PTH2R: variants seen among roughly 807,000 people sequenced by gnomAD.
PTH2R encodes parathyroid hormone 2 receptor.
PTH2R carries 59 observed loss-of-function variants against 60.3 expected under a neutral mutation model. That is an observed-to-expected ratio of 0.98 (90% CI 0.79 to 1.22). PTH2R has a LOEUF of 1.22. Among genes scored for constraint, PTH2R ranks in the 50% most tolerant of loss-of-function variants. The probability of loss-of-function intolerance (pLI) is 0.00; values close to 1 mark genes in which losing one functional copy is unlikely to be tolerated. For synonymous variants in PTH2R, 256 were observed against 243.8 expected (o/e 1.05, Z -0.47); for missense variants, 749 against 682.6 (o/e 1.10, Z -1.08).
chr2:208,361,512 G>A (rs1005776748), intron 1 of PTH2R: 1 of 152,084 alleles, frequency 6.6e-6, no homozygotes, highest in Admixed American at 6.5e-5. Context: ...TATGAAATCC[G>A]GTAGTGTTAA....
At chr2:208,459,087 C>T (rs1191389073) in intron 8 of PTH2R, among the ~76,000 whole-genome samples, 1 of 152,056 alleles carries the variant, frequency 6.6e-6, no homozygotes, top group Non-Finnish European at 1.5e-5. Context: ...TATAAGGGTT[C>T]CCTTTTCTCT....
At position 208,493,255 on chromosome 2, in the gene PTH2R, G is replaced by A. The variant is rs768818816; in HGVS notation, c.1258-9G>A. 1.1e-5 allele frequency: 17 copies of A among 1,486,780 alleles called. No individual in the cohort carries two copies. Among genetic ancestry groups the A allele is most frequent in the South Asian group, 2.9e-5 (2 of 69,556 alleles). The allele number at this position is 1,486,780 out of a possible 1,614,324, so 92.1% of individuals were successfully genotyped here. ...ATTTCTCATGCACAGCATGTTTCTC[G>A]TGGCTTAGGTTCAGGCAGAGGTGAA... On this transcript the variant is annotated splice_polypyrimidine_tract_variant and intron_variant, in intron 12 of 12. Transcript: ENST00000272847.
Position 208,442,385 on chromosome 2 carries a change from T to C in PTH2R, c.433T>C (p.Tyr145His), listed in dbSNP as rs1417403307. The C allele has an allele frequency of 1.2e-6, 2 of 1,612,608 alleles. No individual in the cohort carries two copies. Among genetic ancestry groups the C allele is most frequent in the East Asian group, 4.5e-5 (2 of 44,876 alleles). ...GCAGCAAGAATTCTTTGAACGCCTC[T>C]ATGTAATGTATACCGTTGGCTACTC... is the stretch of plus-strand genomic sequence containing the variant. ...IGKQEFFERL[Y>H]VMYTVGYSIS... The change falls in exon 5 of 13, where the codon TAT becomes CAT. Residue 145 changes from tyrosine to histidine, a missense_variant. By Grantham distance (83) the Tyr-to-His change is moderately conservative (BLOSUM62 2). Coordinates refer to ENST00000272847, the MANE Select transcript of PTH2R (RefSeq NM_005048.4).
intron 8 of PTH2R, among the ~76,000 whole-genome samples, chr2:208,458,102 G>A (rs142442482): frequency 9.2e-5 from 14 of 152,244 alleles, no homozygotes; most frequent in African/African-American, 3.4e-4. Context: ...TATCATTTCT[G>A]TGCTATTTAT....
At chr2:208,447,587 C>CA (rs56366971) in intron 7 of PTH2R, among the ~76,000 whole-genome samples, 40,118 of 119,020 alleles carry the variant, frequency 0.34, 6,061 homozygotes, top group South Asian at 0.37. Context: ...GACTCCATCT[C>CA]AAAAAAAAAA....
chr2:208,406,437 G>C (rs1701407446), upstream of PTH2R, among the ~76,000 whole-genome samples: 1 of 152,168 alleles, frequency 6.6e-6, no homozygotes, highest in African/African-American at 2.4e-5. Flanking sequence ...GAACAGCCCA[G>C]ACGCAGGGCC....
At chr2:208,428,070 G>C (rs987411402) in intron 1 of PTH2R, 131 bp from the exon 2 acceptor site, 2 of 641,952 alleles carry the variant, frequency 3.1e-6, no homozygotes, top group Non-Finnish European at 5.2e-6. Flanking sequence ...TTTTGATTCA[G>C]ATAAAGGACT....
chr2:208,482,437 G>T (rs1053966884), intron 10 of PTH2R, among the ~76,000 whole-genome samples: 7 of 152,132 alleles, frequency 4.6e-5, no homozygotes, highest in African/African-American at 9.7e-5. Context: ...GAGATTTAGG[G>T]TCGTTTGATT....
In PTH2R at chr2:208,486,997, G is replaced by C. The variant is rs192524889; in HGVS notation, c.1077-2015G>C. ...GGTGGAGCAGATGGTTCAGGTACTA[G>C]TGAGAGATAAGACAGGCAGAGGACA... On this transcript the variant is annotated intron_variant, in intron 10 of 12. Transcript: ENST00000272847. Among the ~76,000 whole-genome samples, 55 of 152,310 alleles carry C rather than the reference G, an allele frequency of 3.6e-4. 1 individual carries two copies. The East Asian group carries it at 0.011, about 29-fold the overall frequency.
upstream of PTH2R, among the ~76,000 whole-genome samples, chr2:208,406,326 G>T (rs1207421797): frequency 1.3e-5 from 2 of 152,036 alleles, no homozygotes; most frequent in Admixed American, 6.6e-5. Flanking sequence ...TGACCCACAA[G>T]AAATATATAC....
intron 9 of PTH2R, among the ~76,000 whole-genome samples, chr2:208,471,619 G>A (rs1199588007): frequency 3.9e-5 from 6 of 152,272 alleles, no homozygotes; most frequent in Non-Finnish European, 7.3e-5. Context: ...CCAGGCAGAA[G>A]TTTGCTGCAA....
Position 208,420,455 on chromosome 2 carries a change from A to AT in PTH2R, c.76-7737dup, listed in dbSNP as rs529866504. On this transcript the variant is annotated intron_variant, in intron 1 of 12. Coordinates refer to ENST00000272847, the MANE Select transcript of PTH2R (RefSeq NM_005048.4). ...ATTTGCCAGCAGAATGTTGCTCTCA[A>AT]TTTTTTTTTGCTAATGAAGTAGTCT... Among the ~76,000 whole-genome samples, 11 of 151,288 alleles carry AT rather than the reference A, an allele frequency of 7.3e-5. No individual in the cohort carries two copies. The East Asian group carries it at 7.8e-4, about 11-fold the overall frequency.
rs527399487 is a variant in PTH2R at position 208,456,557 on chromosome 2, C to T, written c.915-3338C>T. ...ACAGGCTTTTGGGGTCAGCTTCTTT[C>T]GCTTCTTCTACTCTTACTGATTGTA... On this transcript the variant is annotated intron_variant, in intron 8 of 12. Coordinates refer to ENST00000272847, the MANE Select transcript of PTH2R (RefSeq NM_005048.4). Among the ~76,000 whole-genome samples the T allele has an allele frequency of 1.1e-4, 16 of 152,318 alleles. No individual in the cohort carries two copies. The South Asian group carries it at 2.5e-3, about 24-fold the overall frequency.
chr2:208,380,086 G>GAAT (rs1328316549), intron 1 of PTH2R, among the ~76,000 whole-genome samples: 1 of 152,080 alleles, frequency 6.6e-6, no homozygotes, highest in Admixed American at 6.5e-5. Flanking sequence ...TGAGGTCAAT[G>GAAT]AATAACATGT....
chr2:208,447,211 A>C (rs536309610), intron 7 of PTH2R, among the ~76,000 whole-genome samples: 11 of 152,224 alleles, frequency 7.2e-5, no homozygotes, highest in Admixed American at 1.3e-4. Flanking sequence ...GCCTCAAGCA[A>C]TCCTCCTGCC....
At chr2:208,491,688 C>T (rs1468119632) in intron 12 of PTH2R, among the ~76,000 whole-genome samples, 1 of 151,220 alleles carries the variant, frequency 6.6e-6, no homozygotes, top group Non-Finnish European at 1.5e-5. Context: ...CCCCCCAAGT[C>T]TGCTTTTAGC....
intron 10 of PTH2R, 78 bp from the exon 11 acceptor site, chr2:208,488,934 T>A: frequency 6.5e-7 from 1 of 1,534,566 alleles, no homozygotes; most frequent in Non-Finnish European, 8.9e-7. Flanking sequence ...CTGCTAAGTT[T>A]TTTTTTTCCT....
At chr2:208,416,473 T>C (rs1701643262) in intron 1 of PTH2R, among the ~76,000 whole-genome samples, 1 of 152,236 alleles carries the variant, frequency 6.6e-6, no homozygotes, top group Non-Finnish European at 1.5e-5. Context: ...ATACTTTGAC[T>C]TGCCCTACTA....
At chr2:208,492,199 C>A (rs1293402112) in intron 12 of PTH2R, among the ~76,000 whole-genome samples, 1 of 152,206 alleles carries the variant, frequency 6.6e-6, no homozygotes, top group Non-Finnish European at 1.5e-5. Flanking sequence ...TATCCACGAG[C>A]CTTCTTTTCT....
Sources: allele counts gnomAD v4.1 joint callset (sites outside exome capture counted in the v4.1 genomes callset), GRCh38; gene constraint gnomAD v4.1.1; transcripts MANE v1.5; gene names NCBI Gene and HGNC (gene_info 2026-07-23, HGNC 2026-07-21).